The following SMARCC1 variants were observed in gnomAD, a reference collection of about 807,000 sequenced individuals.
SMARCC1 encodes SWI/SNF complex subunit SMARCC1.
In SMARCC1, 43 loss-of-function variants were observed where a neutral mutation model predicts 147.4. The observed-to-expected ratio is 0.29, with a 90% CI of 0.23 to 0.38. SMARCC1 has a LOEUF of 0.38. Ranked by LOEUF, SMARCC1 falls within the 10% of genes least tolerant of loss-of-function variation. The probability of loss-of-function intolerance (pLI) is 1.00; values close to 1 mark genes in which losing one functional copy is unlikely to be tolerated. For synonymous variants in SMARCC1, 495 were observed against 484.4 expected (o/e 1.02, Z -0.29); for missense variants, 1,119 against 1,381.1 (o/e 0.81, Z 3.01).
At chr3:47,754,063 C>G (rs550867850) in intron 2 of SMARCC1, among the ~76,000 whole-genome samples, 3 of 152,180 alleles carry the variant, frequency 2.0e-5, no homozygotes, top group African/African-American at 7.2e-5. Flanking sequence ...TTATCAGCAC[C>G]TCTAATGATA....
At position 47,710,780 on chromosome 3, in the gene SMARCC1, T is replaced by C. The variant is rs748716817; in HGVS notation, c.821A>G (p.Asp274Gly). 6.8e-6 allele frequency: 11 copies of C among 1,612,262 alleles called. No homozygotes were observed. In the South Asian group the frequency reaches 9.9e-5, roughly 15 times the overall value. ...CTCATTCATCCATTCATTGAAAATA[T>C]CAGTGTCCAAAATCCATTTCACATG... ...KVHVKWILDT[D>G]IFNEWMNEED... The change falls in exon 9 of 28, where the codon GAT becomes GGT. Residue 274 changes from aspartate to glycine, a missense_variant. Asp to Gly is a moderately conservative substitution (Grantham distance 94). This residue lies in a region of SMARCC1 where 542 missense variants were observed against 611.8 expected (regional missense o/e 0.89). Coordinates refer to ENST00000254480, the MANE Select transcript of SMARCC1 (RefSeq NM_003074.4).
chr3:47,610,135 G>A lies in SMARCC1; in HGVS notation c.2974C>T (p.Pro992Ser). 1 of 1,613,764 alleles carries A rather than the reference G, an allele frequency of 6.2e-7. No individual in the cohort carries two copies. The highest frequency in any genetic ancestry group is 8.5e-7 in the Non-Finnish European group (1 of 1,180,016). ...LGAAGHPGMM[P>S]HQQPPPYPLM... ...GGGTAGGGAGGGGGCTGTTGATGAG[G>A]CATCATGCCAGGGTGCCCTGCTGCT... is the stretch of plus-strand genomic sequence containing the variant. The change falls in exon 26 of 28, where the codon CCT becomes TCT. Residue 992 changes from proline (P) to serine (S), a missense_variant. By Grantham distance (74) the Pro-to-Ser change is moderately conservative (BLOSUM62 -1). Coordinates refer to ENST00000254480, the MANE Select transcript of SMARCC1 (RefSeq NM_003074.4).
At chr3:47,591,039 C>CT (rs1223440242) in intron 26 of SMARCC1, among the ~76,000 whole-genome samples, 1 of 152,104 alleles carries the variant, frequency 6.6e-6, no homozygotes, top group Non-Finnish European at 1.5e-5. Flanking sequence ...GGGGGTAGGT[C>CT]TGTGGAATGA....
Position 47,675,455 on chromosome 3 carries a change from T to C in SMARCC1, c.1839+20A>G, listed in dbSNP as rs1020144737. On this transcript the variant is annotated intron_variant, in intron 18 of 27. Transcript: ENST00000254480. The stretch of plus-strand genomic sequence containing the variant: ...CTAAGATGTGCTGGATTGCAGCCCA[T>C]GTGTGATTAGAAAAATTACCTTTGC... 11 of 1,181,400 alleles carry C rather than the reference T, an allele frequency of 9.3e-6. No individual in the cohort carries two copies. Among genetic ancestry groups the C allele is most frequent in the African/African-American group, 1.5e-5 (1 of 66,444 alleles). 73.2% of individuals were successfully genotyped at this position (1,181,400 alleles called of 1,614,324 possible).
rs1033994988 is a variant in SMARCC1, at chr3:47,586,552, T to G, written c.*1657A>C. On this transcript the variant is annotated 3_prime_UTR_variant, in exon 28 of 28. Transcript: ENST00000254480. ...CCTGGTTAGAGGCAAACCTGAGGGTTTGAAAGGCAAATCTCAATTGTGGTT... is the reference window on the plus strand; with the variant it reads ...CCTGGTTAGAGGCAAACCTGAGGGTGTGAAAGGCAAATCTCAATTGTGGTT... The G allele has an allele frequency of 6.5e-6, 1 of 152,678 alleles. No individual in the cohort carries two copies. The highest frequency in any genetic ancestry group is 2.4e-5 in the African/African-American group (1 of 41,460). The allele number at this position is 152,678 out of a possible 1,614,324, so 9.5% of individuals were successfully genotyped here.
intron 21 of SMARCC1, among the ~76,000 whole-genome samples, chr3:47,648,088 G>T (rs760015015): frequency 3.2e-4 from 48 of 152,116 alleles, no homozygotes; most frequent in Non-Finnish European, 5.0e-4. Context: ...TTTGCCTCCT[G>T]GGTTCAAGTG....
At position 47,736,103 on chromosome 3, in the gene SMARCC1, G is replaced by T; in HGVS notation, c.507C>A (p.Asn169Lys). 6.3e-7 allele frequency: 1 copy of T among 1,593,104 alleles called. No homozygotes were observed. Among genetic ancestry groups the T allele is most frequent in the East Asian group, 2.2e-5 (1 of 44,648 alleles). Residue 169 changes from asparagine (N) to lysine (K), a missense_variant, in exon 5 of 28, where the codon AAC becomes AAA. By Grantham distance (94) the Asn-to-Lys change is moderately conservative. Around this residue, in one of 6 missense-constraint regions of SMARCC1, gnomAD observed 542 missense variants for 611.8 expected, o/e 0.89. Transcript: ENST00000254480. ...LVQNNCLTRP[N>K]IYLIPDIDLK... is the part of the protein sequence containing the mutation. The stretch of plus-strand genomic sequence containing the variant: ...GATCAATGTCTGGAATGAGGTAGAT[G>T]TTGGGTCTGGTCAAACAATTGTTCT...
intron 18 of SMARCC1, among the ~76,000 whole-genome samples, chr3:47,675,150 T>G (rs1179097044): frequency 4.6e-5 from 7 of 152,226 alleles, no homozygotes; most frequent in Non-Finnish European, 1.0e-4. Flanking sequence ...AATTTGTCTC[T>G]GAGTTCACTA....
intron 12 of SMARCC1, among the ~76,000 whole-genome samples, chr3:47,690,446 T>C (rs2033777357): frequency 6.6e-6 from 1 of 152,070 alleles, no homozygotes; most frequent in Admixed American, 6.6e-5. Flanking sequence ...AAAGACAAGG[T>C]AATTATTCCA....
intron 19 of SMARCC1, among the ~76,000 whole-genome samples, chr3:47,665,337 G>T (rs2033407475): frequency 1.3e-5 from 2 of 152,096 alleles, no homozygotes; most frequent in South Asian, 4.1e-4. Context: ...GATCCAGATT[G>T]TAAGAAAAAA....
In SMARCC1 at chr3:47,688,613, C is replaced by A. The variant is rs575905965; in HGVS notation, c.1263+774G>T. ...CCTTAAATCTAACATGTTCCAAAAG[C>A]ATAATGATTGAGGTATCGCTACAGC... On this transcript the variant is annotated intron_variant, in intron 13 of 27. Coordinates refer to ENST00000254480, the MANE Select transcript of SMARCC1 (RefSeq NM_003074.4). Among the ~76,000 whole-genome samples the A allele has an allele frequency of 9.9e-5, 15 of 152,216 alleles. No individual in the cohort carries two copies. In the Middle Eastern group the frequency reaches 0.017, roughly 174 times the overall value.
At chr3:47,647,075 T>C (rs903223249) in intron 21 of SMARCC1, among the ~76,000 whole-genome samples, 1 of 152,208 alleles carries the variant, frequency 6.6e-6, no homozygotes, top group African/African-American at 2.4e-5. Context: ...CACATAGATT[T>C]AGAGTCTGAC....
chr3:47,719,657 T>C (rs1426982934), intron 7 of SMARCC1, among the ~76,000 whole-genome samples: 3 of 152,066 alleles, frequency 2.0e-5, no homozygotes, highest in Non-Finnish European at 4.4e-5. Context: ...GAGTCGGGAC[T>C]GTGCCACTGT....
At chr3:47,724,789 C>T (rs1314181213) in intron 6 of SMARCC1, among the ~76,000 whole-genome samples, 1 of 152,102 alleles carries the variant, frequency 6.6e-6, no homozygotes, top group Non-Finnish European at 1.5e-5. Flanking sequence ...TGCACAGTGG[C>T]TCACGCCTGT....
chr3:47,748,324 G>GT (rs1431565970), intron 2 of SMARCC1, among the ~76,000 whole-genome samples: 2 of 151,916 alleles, frequency 1.3e-5, no homozygotes, highest in Non-Finnish European at 2.9e-5. Context: ...AGGAATTCTC[G>GT]TATCTCAGCC....
At chr3:47,670,919 C>T (rs957682325) in intron 18 of SMARCC1, among the ~76,000 whole-genome samples, 1 of 151,974 alleles carries the variant, frequency 6.6e-6, no homozygotes, top group African/African-American at 2.4e-5. Context: ...GGCGTGGTAG[C>T]TCCTGCCTGT....
chr3:47,738,088 G>T lies in SMARCC1; in HGVS notation c.424C>A (p.Pro142Thr). The change falls in exon 4 of 28, where the codon CCA becomes ACA. Residue 142 changes from proline to threonine, a missense_variant. Transcript: ENST00000254480. The part of the protein sequence containing the change: ...QGWRRFDLQN[P>T]SRMDRNVEMF... ...TCCACATTACGATCCATTCGAGATGGGTTCTGTAGGTCAAACCTCCGCCTA... is the reference window on the plus strand; with the variant it reads ...TCCACATTACGATCCATTCGAGATGTGTTCTGTAGGTCAAACCTCCGCCTA... 3 of 1,582,380 alleles carry T rather than the reference G, an allele frequency of 1.9e-6. No homozygotes were observed. Among genetic ancestry groups the T allele is most frequent in the Non-Finnish European group, 2.6e-6 (3 of 1,164,664 alleles).
chr3:47,712,510 T>A (rs2034098635), intron 8 of SMARCC1, among the ~76,000 whole-genome samples: 1 of 151,846 alleles, frequency 6.6e-6, no homozygotes, highest in Non-Finnish European at 1.5e-5. Flanking sequence ...GTTAGAGGAG[T>A]ATGTGACAGC....
In SMARCC1 at chr3:47,781,855, G is replaced by C; in HGVS notation, c.-58C>G. 2.5e-6 allele frequency: 3 copies of C among 1,190,844 alleles called. No individual in the cohort carries two copies. Among genetic ancestry groups the C allele is most frequent in the Non-Finnish European group, 3.2e-6 (3 of 937,452 alleles). 73.8% of individuals were successfully genotyped at this position (1,190,844 alleles called of 1,614,324 possible). A position where few individuals can be genotyped will look rare whatever the true frequency, so the allele number is the denominator to read the frequency against. ...ACCCCGGCCCTCGCGGTGTTTCCCG[G>C]TCGTTCCCGCGCGCACCCCCGCGCG... On this transcript the variant is annotated 5_prime_UTR_variant, in exon 1 of 28. Transcript: ENST00000254480.
Sources: allele counts gnomAD v4.1 joint callset (sites outside exome capture counted in the v4.1 genomes callset), GRCh38; gene constraint gnomAD v4.1.1; regional missense constraint gnomAD v4.1.1; transcripts MANE v1.5; gene names NCBI Gene and HGNC (gene_info 2026-07-23, HGNC 2026-07-21).